Variants in CCDC144A observed in about 807,000 individuals in gnomAD.
The protein encoded by CCDC144A is coiled-coil domain-containing protein 144A.
A neutral mutation model predicts 143.8 loss-of-function variants in CCDC144A; 41 were observed. That is an observed-to-expected ratio of 0.29 (90% CI 0.22 to 0.37). The LOEUF (loss-of-function observed/expected upper bound fraction) is 0.37. Among genes scored for constraint, CCDC144A ranks in the 10% least tolerant of loss-of-function variants. The pLI, the probability that CCDC144A is intolerant of heterozygous loss-of-function variation, is 1.00. For missense variants in CCDC144A, 637 were observed against 1,488.8 expected, an observed-to-expected ratio of 0.43 and a Z score of 9.41; for synonymous variants, 242 against 517.9, an observed-to-expected ratio of 0.47 and a Z score of 7.23.
chr17:16,749,175 C>T (rs1012214988), intron 12 of CCDC144A, among the ~76,000 whole-genome samples: 4 of 152,120 alleles, frequency 2.6e-5, no homozygotes, highest in Admixed American at 6.5e-5. Flanking sequence ...TTCCTCTCGG[C>T]GCAGTGTCAG....
intron 8 of CCDC144A, among the ~76,000 whole-genome samples, chr17:16,722,863 C>T (rs1316806148): frequency 2.6e-5 from 4 of 152,000 alleles, no homozygotes; most frequent in Non-Finnish European, 5.9e-5. Context: ...AGCTCATTAT[C>T]GCATGGCTGT....
rs775226278 is a variant in CCDC144A at position 16,709,635 on chromosome 17, T to C, written c.1578T>C (p.Asp526=). 3.1e-6 allele frequency: 5 copies of C among 1,610,970 alleles called. No homozygotes were observed. The Admixed American group carries it at 8.3e-5, about 27-fold the overall frequency. Residue 526 remains aspartate (D), a splice_region_variant and synonymous_variant, in exon 5 of 17, where the codon GAT becomes GAC. Transcript: ENST00000399273. ...LKKEDVQLHK[D]VEEEMEKHRS... is the part of the protein sequence containing the mutation. ...AAGAAGATGTTCAACTTCATAAAGA[T>C]GTAGGGTTTTACTTGCTGCCACTCT...
At chr17:16,688,818 C>T (rs1050571489), upstream of CCDC144A, among the ~76,000 whole-genome samples, 5 of 152,078 alleles carry the variant, frequency 3.3e-5, no homozygotes, top group East Asian at 1.9e-4. Context: ...TGCTTCCTTA[C>T]GCCTTTCTAG....
At position 16,733,989 on chromosome 17, in the gene CCDC144A, C is replaced by A. The variant is rs879855617; in HGVS notation, c.2419-701C>A. Among the ~76,000 whole-genome samples the A allele has an allele frequency of 5.9e-5, 9 of 151,934 alleles. No homozygotes were observed. The South Asian group carries it at 6.3e-4, about 11-fold the overall frequency. On this transcript the variant is annotated intron_variant, in intron 11 of 16. Coordinates refer to ENST00000399273, the MANE Select transcript of CCDC144A (RefSeq NM_001382000.1). ...CCCATCTCTACAAAAAGTACAAATA[C>A]ATTTAGCTGCGTGTGGGGGTGTGTG...
At chr17:16,682,230 TGTG>T in the CCDC144A span, among the ~76,000 whole-genome samples, 1 of 151,590 alleles carries the variant, frequency 6.6e-6, no homozygotes, top group Non-Finnish European at 1.5e-5. Flanking sequence ...TGTGTGTGTG[TGTG>T]TGTGTGAGAT....
chr17:16,739,735 T>G (rs1914177532), intron 12 of CCDC144A, among the ~76,000 whole-genome samples: 1 of 152,228 alleles, frequency 6.6e-6, no homozygotes, highest in Admixed American at 6.5e-5. Flanking sequence ...TGTTTGTTTT[T>G]GGATTCTCAG....
At chr17:16,688,771 A>C (rs1910883398), upstream of CCDC144A, among the ~76,000 whole-genome samples, 1 of 151,860 alleles carries the variant, frequency 6.6e-6, no homozygotes, top group African/African-American at 2.4e-5. Context: ...TACAGGTGGG[A>C]GCCACTGCGC....
intron 12 of CCDC144A, among the ~76,000 whole-genome samples, chr17:16,754,926 C>A (rs949015832): frequency 1.3e-5 from 2 of 152,156 alleles, no homozygotes; most frequent in Non-Finnish European, 2.9e-5. Flanking sequence ...GTATATATAC[C>A]TTTATGACTG....
chr17:16,707,704 T>C (rs542591052), intron 4 of CCDC144A, among the ~76,000 whole-genome samples, 162 bp downstream of exon 4: 60 of 152,286 alleles, frequency 3.9e-4, no homozygotes, highest in African/African-American at 1.3e-3. Flanking sequence ...AAACTAGTTA[T>C]AAAACACAAT....
intron 6 of CCDC144A, among the ~76,000 whole-genome samples, chr17:16,719,270 G>A (rs1444199708): frequency 1.3e-5 from 2 of 152,206 alleles, no homozygotes; most frequent in Non-Finnish European, 1.5e-5. Flanking sequence ...TTTGTTGAAC[G>A]GGTGAATGAA....
At chr17:16,753,428 G>GTTTTTTTTTTTTT in intron 12 of CCDC144A, among the ~76,000 whole-genome samples, 47 of 57,364 alleles carry the variant, frequency 8.2e-4, no homozygotes, top group Non-Finnish European at 1.2e-3. Flanking sequence ...GTGTTTTGTA[G>GTTTTTTTTTTTTT]TTTTTTTTTT....
At chr17:16,703,526 C>T (rs762459460) in intron 2 of CCDC144A, among the ~76,000 whole-genome samples, 20 of 152,176 alleles carry the variant, frequency 1.3e-4, no homozygotes, top group South Asian at 2.1e-4. Context: ...AGCATGCGGC[C>T]GGGCGTGGTG....
At chr17:16,753,857 T>C (rs1411542324) in intron 12 of CCDC144A, among the ~76,000 whole-genome samples, 4 of 152,262 alleles carry the variant, frequency 2.6e-5, no homozygotes, top group Non-Finnish European at 5.9e-5. Flanking sequence ...CTTAGAGTAA[T>C]ACTGAACTTT....
rs993127122 is a variant in CCDC144A, at chr17:16,709,142, C to A, written c.1085C>A (p.Pro362His). 9.9e-6 allele frequency: 16 copies of A among 1,611,454 alleles called. No individual in the cohort carries two copies. Among genetic ancestry groups the A allele is most frequent in the Middle Eastern group, 2.2e-4 (1 of 4,450 alleles). Residue 362 changes from proline (P) to histidine (H), a missense_variant, in exon 5 of 17, where the codon CCT (proline) becomes CAT (histidine). Physicochemically the swap from Pro to His is moderately conservative, Grantham distance 77. Transcript: ENST00000399273. ...ISVSVVFETF[P>H]EQKEPSLKNI... ...GTCTCAGTGGTATTCGAGACATTTC[C>A]TGAACAAAAAGAACCCAGTCTCAAA...
intron 15 of CCDC144A, among the ~76,000 whole-genome samples, chr17:16,771,390 TATGA>T: frequency 6.6e-6 from 1 of 152,392 alleles, no homozygotes; most frequent in East Asian, 1.9e-4. Context: ...TTTGTGTCCG[TATGA>T]ATGAAGAAAT....
chr17:16,680,571 G>C, the CCDC144A span, among the ~76,000 whole-genome samples: 2 of 135,908 alleles, frequency 1.5e-5, no homozygotes, highest in Non-Finnish European at 3.1e-5. Context: ...GAGAGAGAAA[G>C]AAAGAGAGAA....
At chr17:16,742,647 G>C (rs1157967140) in intron 12 of CCDC144A, among the ~76,000 whole-genome samples, 2 of 152,110 alleles carry the variant, frequency 1.3e-5, no homozygotes, top group Admixed American at 1.3e-4. Context: ...GGTTATACTA[G>C]TTTACATTCC....
chr17:16,740,834 A>G (rs1914222559), intron 12 of CCDC144A, among the ~76,000 whole-genome samples: 1 of 152,194 alleles, frequency 6.6e-6, no homozygotes, highest in African/African-American at 2.4e-5. Context: ...TATTAATCAA[A>G]TATTTCTGGT....
chr17:16,753,449 T>G (rs1244706256), intron 12 of CCDC144A, among the ~76,000 whole-genome samples: 41 of 138,326 alleles, frequency 3.0e-4, no homozygotes, highest in South Asian at 2.2e-3. Context: ...TTTTTTTTTT[T>G]TTTTTTTGTA....
Sources: allele counts gnomAD v4.1 joint callset (sites outside exome capture counted in the v4.1 genomes callset), GRCh38; gene constraint gnomAD v4.1.1; transcripts MANE v1.5; gene names NCBI Gene and HGNC (gene_info 2026-07-23, HGNC 2026-07-21).